The following ACBD5 variants were observed in gnomAD, a reference collection of about 807,000 sequenced individuals.
ACBD5 encodes acyl-CoA-binding domain-containing protein 5.
Under a neutral mutation model 71.8 loss-of-function variants are expected in ACBD5, and 40 were observed. The ratio of observed to expected loss-of-function variants is 0.56; its 90% CI spans 0.43 to 0.72. The LOEUF is 0.72. Ranked by LOEUF, ACBD5 falls within the 30% of genes least tolerant of loss-of-function variation. The pLI, the probability that ACBD5 is intolerant of heterozygous loss-of-function variation, is 0.00. For missense variants in ACBD5, 559 were observed against 644.5 expected, an observed-to-expected ratio of 0.87 and a Z score of 1.44; for synonymous variants, 229 against 218.6, an observed-to-expected ratio of 1.05 and a Z score of -0.42.
intron 4 of ACBD5, among the ~76,000 whole-genome samples, chr10:27,228,809 A>AT (rs2063440561): frequency 2.0e-4 from 3 of 14,828 alleles, no homozygotes; most frequent in Non-Finnish European, 1.1e-3. Context: ...ATATATATAT[A>AT]TATATATTTT....
intron 5 of ACBD5, 158 bp downstream of exon 5, chr10:27,223,180 A>T (rs541663723): frequency 1.4e-6 from 1 of 728,964 alleles, no homozygotes; most frequent in East Asian, 2.7e-5. Context: ...TTTAAACAAA[A>T]CTTTTACATG....
intron 5 of ACBD5, among the ~76,000 whole-genome samples, chr10:27,220,628 T>A (rs1007136020): frequency 6.6e-6 from 1 of 152,216 alleles, no homozygotes; most frequent in East Asian, 1.9e-4. Context: ...CCCAAAATGA[T>A]CTGCAAATTC....
chr10:27,228,353 A>G (rs2063354440), intron 4 of ACBD5, among the ~76,000 whole-genome samples: 1 of 151,822 alleles, frequency 6.6e-6, no homozygotes, highest in East Asian at 2.0e-4. Context: ...AAGTGGGAAG[A>G]TCACGAGGTC....
At chr10:27,223,157 T>C (rs1003322699) in intron 5 of ACBD5, 181 bp downstream of exon 5, 7 of 716,866 alleles carry the variant, frequency 9.8e-6, no homozygotes, top group Middle Eastern at 4.8e-4. Flanking sequence ...CAGAATTCTT[T>C]TGACATGTAA....
intron 4 of ACBD5, 76 bp downstream of exon 4, chr10:27,231,672 A>G (rs1264662847): frequency 1.6e-5 from 20 of 1,257,826 alleles, no homozygotes; most frequent in Non-Finnish European, 2.1e-5. Context: ...AAAGCAAAGC[A>G]GCTAATTTGT....
chr10:27,222,438 A>G (rs1268338470), intron 5 of ACBD5, among the ~76,000 whole-genome samples: 1 of 151,472 alleles, frequency 6.6e-6, no homozygotes, highest in Non-Finnish European at 1.5e-5. Context: ...AGAAGTTGTA[A>G]TCCATGCAGA....
Position 27,210,995 on chromosome 10 carries a change from A to G in ACBD5, c.1023T>C (p.Phe341=). 1 of 1,614,176 alleles carries G rather than the reference A, an allele frequency of 6.2e-7. No homozygotes were observed. Among genetic ancestry groups the G allele is most frequent in the Non-Finnish European group, 8.5e-7 (1 of 1,180,040 alleles). Residue 341 remains phenylalanine (F), a synonymous_variant, in exon 9 of 13, where the codon TTT becomes TTC. Coordinates refer to ENST00000396271, the MANE Select transcript of ACBD5 (RefSeq NM_145698.5). ...HSSQPMENSG[F]REDIQVPPGN... Reference sequence around the variant, plus strand: ...CAGGAGGTACTTGAATATCTTCACGAAATCCAGAATTTTCCATGGGTTGAC... The same window carrying G: ...CAGGAGGTACTTGAATATCTTCACGGAATCCAGAATTTTCCATGGGTTGAC...
At chr10:27,214,786 C>T (rs2137218598) in intron 8 of ACBD5, among the ~76,000 whole-genome samples, 1 of 152,288 alleles carries the variant, frequency 6.6e-6, no homozygotes, top group South Asian at 2.1e-4. Flanking sequence ...TGGCTCACAC[C>T]TGTAATCCCG....
chr10:27,196,133 GA>G lies in ACBD5; in HGVS notation c.*1296del. The G allele has an allele frequency of 2.2e-6, 1 of 451,698 alleles. No individual in the cohort carries two copies. The highest frequency in any genetic ancestry group is 4.4e-6 in the Non-Finnish European group (1 of 225,756). The allele number at this position is 451,698 out of a possible 1,614,324, so 28.0% of individuals were successfully genotyped here. On this transcript the variant is annotated 3_prime_UTR_variant, in exon 13 of 13. Transcript: ENST00000396271. ...GAGAATCACTTGAACCCAGGAGGTGGAAGTTGCAGTGAGCCAAGATCACGCC... is the reference window on the plus strand; with the variant it reads ...GAGAATCACTTGAACCCAGGAGGTGGAGTTGCAGTGAGCCAAGATCACGCC...
At position 27,195,770 on chromosome 10, in the gene ACBD5, G is replaced by A. The variant is rs774451669; in HGVS notation, c.*1660C>T. 7.3e-6 allele frequency: 3 copies of A among 409,352 alleles called. No individual in the cohort carries two copies. Among genetic ancestry groups the A allele is most frequent in the African/African-American group, 4.2e-5 (2 of 47,454 alleles). The allele number at this position is 409,352 out of a possible 1,614,324, so 25.4% of individuals were successfully genotyped here. A position where few individuals can be genotyped will look rare whatever the true frequency, so the allele number is the denominator to read the frequency against. ...AAAAAAATAAGGAAAAAGAGTTTGG[G>A]AAAAGTAAATTGTATTCTTATACTT... On this transcript the variant is annotated 3_prime_UTR_variant, in exon 13 of 13. Transcript: ENST00000396271.
Position 27,196,911 on chromosome 10 carries a change from AC to A in ACBD5, c.*518del, listed in dbSNP as rs1415687726. The stretch of plus-strand genomic sequence containing the variant: ...ATGGGCAGCCCACAAAGTGAATATG[AC>A]CATTCTTCCTGTGGTTTTCTACTAC... On this transcript the variant is annotated 3_prime_UTR_variant, in exon 13 of 13. Transcript: ENST00000396271. 8.1e-5 allele frequency: 37 copies of A among 454,018 alleles called. No homozygotes were observed. Among genetic ancestry groups the A allele is most frequent in the Non-Finnish European group, 1.5e-4 (35 of 226,804 alleles). The allele number at this position is 454,018 out of a possible 1,614,324, so 28.1% of individuals were successfully genotyped here.
In ACBD5 at chr10:27,221,360, C is replaced by A. The variant is rs1419716100; in HGVS notation, c.491-1503G>T. 2.0e-5 allele frequency among the ~76,000 whole-genome samples: 3 copies of A among 152,172 alleles called. No homozygotes were observed. In the East Asian group the frequency reaches 5.8e-4, roughly 29 times the overall value. On this transcript the variant is annotated intron_variant, in intron 5 of 12. Coordinates refer to ENST00000396271, the MANE Select transcript of ACBD5 (RefSeq NM_145698.5). ...TTACTTCAGGTCAGGTTTTACTCCCCAGATTTTTAGTTCATATCAGACAGG... is the reference window on the plus strand; with the variant it reads ...TTACTTCAGGTCAGGTTTTACTCCCAAGATTTTTAGTTCATATCAGACAGG...
At chr10:27,226,474 A>T (rs2063036940) in intron 4 of ACBD5, among the ~76,000 whole-genome samples, 1 of 150,914 alleles carries the variant, frequency 6.6e-6, no homozygotes, top group Non-Finnish European at 1.5e-5. Flanking sequence ...ACACACACAC[A>T]CACACACACA....
rs1416076526 is a variant in ACBD5, at chr10:27,195,889, A to T, written c.*1541T>A. ...TATGATGTTAAACCCAACATCATAC[A>T]TCTTGAGAATGCTTAAAAATTATTT... is the stretch of plus-strand genomic sequence containing the variant. On this transcript the variant is annotated 3_prime_UTR_variant, in exon 13 of 13. Transcript: ENST00000396271. The T allele has an allele frequency of 2.2e-6, 1 of 453,618 alleles. No homozygotes were observed. The highest frequency in any genetic ancestry group is 6.9e-5 in the East Asian group (1 of 14,394). 28.1% of individuals were successfully genotyped at this position (453,618 alleles called of 1,614,324 possible). A position where few individuals can be genotyped will look rare whatever the true frequency, so the allele number is the denominator to read the frequency against.
chr10:27,208,424 C>T lies in ACBD5; in HGVS notation c.1226G>A (p.Ser409Asn). 1.2e-6 allele frequency: 2 copies of T among 1,614,030 alleles called. No individual in the cohort carries two copies. The highest frequency in any genetic ancestry group is 1.7e-6 in the Non-Finnish European group (2 of 1,180,046). Residue 409 changes from serine (S) to asparagine (N), a missense_variant, in exon 10 of 13, where the codon AGC becomes AAC. Coordinates refer to ENST00000396271, the MANE Select transcript of ACBD5 (RefSeq NM_145698.5). The stretch of plus-strand genomic sequence containing the variant: ...CACCTGCCGGCCCTTGGTTCCTTCG[C>T]TCAAGTGTTGCATCCTATGTCCTAT... ...RGRGHRMQHL[S>N]EGTKGRQVGS...
chr10:27,238,648 T>A (rs754336177), intron 2 of ACBD5, among the ~76,000 whole-genome samples: 5 of 152,170 alleles, frequency 3.3e-5, no homozygotes, highest in Non-Finnish European at 7.3e-5. Context: ...GACAACACCA[T>A]AGAAGGAAAG....
rs754021218 is a variant in ACBD5, at chr10:27,218,008, A to C, written c.801T>G (p.Thr267=). 3 of 1,614,060 alleles carry C rather than the reference A, an allele frequency of 1.9e-6. No homozygotes were observed. In the African/African-American group the frequency reaches 4.0e-5, roughly 22 times the overall value. ...GGTGAATGCAAACAGCAGATTTTCC[A>C]GTTTGCCCCAAGTTTTCATCAATGG... The part of the protein sequence containing the change: ...VKPIDENLGQ[T]GKSAVCIHQD... Residue 267 remains threonine, a synonymous_variant, in exon 7 of 13, where the codon ACT becomes ACG. Coordinates refer to ENST00000396271, the MANE Select transcript of ACBD5 (RefSeq NM_145698.5).
At chr10:27,206,254 G>C (rs16927627) in intron 10 of ACBD5, among the ~76,000 whole-genome samples, 6,003 of 151,172 alleles carry the variant, frequency 0.04, 144 homozygotes, top group African/African-American at 0.068. Flanking sequence ...TACATCAAAA[G>C]AATTTTAGCA....
intron 4 of ACBD5, among the ~76,000 whole-genome samples, chr10:27,228,804 T>TATAG (rs1554856261): frequency 2.2e-4 from 1 of 4,650 alleles, no homozygotes; most frequent in African/African-American, 4.2e-4. Flanking sequence ...TATATATATA[T>TATAG]ATATATATAT....
Sources: gnomAD v4.1 joint callset for allele counts (sites outside exome capture counted in the v4.1 genomes callset) on GRCh38, gnomAD v4.1.1 for gene constraint, MANE v1.5 for transcripts, NCBI Gene and HGNC (gene_info 2026-07-23, HGNC 2026-07-21) for gene names.